Variants in ACSS2 observed in about 807,000 individuals in gnomAD.
The protein encoded by ACSS2 is acyl-CoA synthetase short chain family member 2.
A neutral mutation model predicts 90.6 loss-of-function variants in ACSS2; 58 were observed. That is an observed-to-expected ratio of 0.64 (90% confidence interval 0.52 to 0.80). The LOEUF (loss-of-function observed/expected upper bound fraction) is 0.80, where lower values mean the gene tolerates loss of function less well. Ranked by LOEUF, ACSS2 falls within the 30% of genes least tolerant of loss-of-function variation. The probability of loss-of-function intolerance (pLI) is 0.00; values close to 1 mark genes in which losing one functional copy is unlikely to be tolerated. For synonymous variants in ACSS2, 300 were observed against 330.9 expected, an observed-to-expected ratio of 0.91 and a Z score of 1.01; for missense variants, 759 against 912.0, an observed-to-expected ratio of 0.83 and a Z score of 2.16.
At chr20:34,884,078 T>C (rs901079298) in intron 2 of ACSS2, among the ~76,000 whole-genome samples, 5 of 152,168 alleles carry the variant, frequency 3.3e-5, no homozygotes, top group Non-Finnish European at 7.4e-5. Context: ...CCTGAGTAGG[T>C]GGGACTACAG....
At position 34,921,466 on chromosome 20, in the gene ACSS2, AGTG is replaced by A; in HGVS notation, c.1410+5_1410+7del. 6.2e-7 allele frequency: 1 copy of A among 1,614,202 alleles called. No individual in the cohort carries two copies. Among genetic ancestry groups the A allele is most frequent in the Non-Finnish European group, 8.5e-7 (1 of 1,180,036 alleles). On this transcript the variant is annotated splice_donor_5th_base_variant and intron_variant, in intron 11 of 17. Coordinates refer to ENST00000360596, the MANE Select transcript of ACSS2 (RefSeq NM_018677.4). Reference sequence around the variant, plus strand: ...CACCTTCTGGCAAACAGAGACAGTGAGTGAAGGGTACAGAAGGCTGGGGCCCAG... The same window carrying A: ...CACCTTCTGGCAAACAGAGACAGTGAAAGGGTACAGAAGGCTGGGGCCCAG...
At chr20:34,889,865 A>G (rs1568968427) in intron 2 of ACSS2, among the ~76,000 whole-genome samples, 2 of 152,182 alleles carry the variant, frequency 1.3e-5, no homozygotes, top group Admixed American at 6.5e-5. Flanking sequence ...AGGTCCAGGT[A>G]TGGGAGATCT....
chr20:34,878,379 T>G (rs2079979484), intron 1 of ACSS2, among the ~76,000 whole-genome samples: 1 of 152,228 alleles, frequency 6.6e-6, no homozygotes, highest in African/African-American at 2.4e-5. Context: ...AGGCAAATTT[T>G]TAAGCCTGTC....
intron 2 of ACSS2, among the ~76,000 whole-genome samples, chr20:34,899,143 C>T (rs769099041): frequency 7.1e-4 from 108 of 152,290 alleles, no homozygotes; most frequent in Non-Finnish European, 1.2e-3. Flanking sequence ...CCAGCTGGCC[C>T]GCAAGCTCCG....
At chr20:34,920,423 G>A (rs2081170995) in intron 8 of ACSS2, 116 bp from the exon 9 acceptor site, 12 of 973,376 alleles carry the variant, frequency 1.2e-5, no homozygotes, top group Non-Finnish European at 7.6e-6. Context: ...TGTGAAAAGG[G>A]TGCTGGCAGG....
At position 34,879,528 on chromosome 20, in the gene ACSS2, C is replaced by CA. The variant is rs58755872; in HGVS notation, c.178+2705_178+2706insA. 3.8e-4 allele frequency among the ~76,000 whole-genome samples: 29 copies of CA among 75,560 alleles called. No homozygotes were observed. In the African/African-American group the frequency reaches 3.9e-3, roughly 10 times the overall value. The allele number at this position is 75,560 out of a possible 152,430, so 49.6% of individuals were successfully genotyped here. A position where few individuals can be genotyped will look rare whatever the true frequency, so the allele number is the denominator to read the frequency against. On this transcript the variant is annotated intron_variant, in intron 1 of 17. Coordinates refer to ENST00000360596, the MANE Select transcript of ACSS2 (RefSeq NM_018677.4). ...ACACACACACACACACACACACACA[C>CA]CCCTACCCCCCCCAAAAAAACCCAG...
intron 2 of ACSS2, among the ~76,000 whole-genome samples, chr20:34,888,355 T>C (rs562642226): frequency 1.3e-5 from 2 of 152,214 alleles, no homozygotes; most frequent in South Asian, 4.1e-4. Context: ...GTCAGTTTTG[T>C]AAGATTGAAT....
rs112307879 is a variant in ACSS2, at chr20:34,902,488, G to A, written c.375-10608G>A. On this transcript the variant is annotated intron_variant, in intron 2 of 17. Coordinates refer to ENST00000360596, the MANE Select transcript of ACSS2 (RefSeq NM_018677.4). ...ATTTAAGCTGAGATTTGAAACACAA[G>A]AAGAGTTGGGGAAAGATAGTTAAAG... Among the ~76,000 whole-genome samples, 656 of 152,166 alleles carry A rather than the reference G, an allele frequency of 4.3e-3. 1 individual carries two copies. Among genetic ancestry groups the A allele is most frequent in the Non-Finnish European group, 8.1e-3 (548 of 68,004 alleles).
intron 2 of ACSS2, among the ~76,000 whole-genome samples, chr20:34,888,067 C>CAAAAA (rs34578238): frequency 4.9e-3 from 302 of 61,416 alleles, no homozygotes; most frequent in South Asian, 7.7e-3. Flanking sequence ...AAGACTCCAT[C>CAAAAA]AAAAAAAAAA....
At chr20:34,887,729 G>A (rs900241837) in intron 2 of ACSS2, among the ~76,000 whole-genome samples, 12 of 150,112 alleles carry the variant, frequency 8.0e-5, no homozygotes, top group East Asian at 2.0e-4. Flanking sequence ...CGACAAGAGC[G>A]AAACTCCATC....
chr20:34,918,940 G>A (rs1568995773), intron 7 of ACSS2, among the ~76,000 whole-genome samples: 1 of 152,206 alleles, frequency 6.6e-6, no homozygotes, highest in Admixed American at 6.5e-5. Context: ...CAGGGGTCGG[G>A]AGGAAAGACA....
At chr20:34,903,509 T>A (rs1355814732) in intron 2 of ACSS2, among the ~76,000 whole-genome samples, 8 of 152,232 alleles carry the variant, frequency 5.3e-5, no homozygotes, top group African/African-American at 1.7e-4. Context: ...TGAGACTTGC[T>A]ATCACATCTC....
At chr20:34,878,296 A>G (rs1469236306) in intron 1 of ACSS2, among the ~76,000 whole-genome samples, 5 of 152,200 alleles carry the variant, frequency 3.3e-5, no homozygotes, top group Admixed American at 1.3e-4. Flanking sequence ...TGGGACAAAC[A>G]TGGGCCACGA....
In ACSS2 at chr20:34,904,298, G is replaced by A. The variant is rs181693971; in HGVS notation, c.375-8798G>A. On this transcript the variant is annotated intron_variant, in intron 2 of 17. Coordinates refer to ENST00000360596, the MANE Select transcript of ACSS2 (RefSeq NM_018677.4). ...ACTGAGAAGCCAACATTTGAGCAAC[G>A]ACTCAAAGATAGGGAATAAGTCATG... 2.0e-3 allele frequency among the ~76,000 whole-genome samples: 309 copies of A among 151,674 alleles called. 2 individuals are homozygous for A. The highest frequency in any genetic ancestry group is 2.0e-3 in the Non-Finnish European group (134 of 67,914).
At chr20:34,903,139 C>T (rs562660801) in intron 2 of ACSS2, among the ~76,000 whole-genome samples, 25 of 151,940 alleles carry the variant, frequency 1.6e-4, no homozygotes, top group Admixed American at 1.5e-3. Flanking sequence ...GTCAGGAGTT[C>T]GAGACCAGAC....
intron 2 of ACSS2, among the ~76,000 whole-genome samples, chr20:34,894,632 T>G (rs1172951672): frequency 6.6e-6 from 1 of 152,140 alleles, no homozygotes; most frequent in Non-Finnish European, 1.5e-5. Flanking sequence ...GCTACTGCAC[T>G]CCAGCCTGGG....
intron 2 of ACSS2, 46 bp downstream of exon 2, chr20:34,883,035 T>C: frequency 1.4e-6 from 2 of 1,469,582 alleles, no homozygotes; most frequent in Non-Finnish European, 1.9e-6. Context: ...AAACACTCAT[T>C]TGATACTTAC....
At chr20:34,893,618 C>A (rs1235997508) in intron 2 of ACSS2, 1 of 151,290 alleles carries the variant, frequency 6.6e-6, no homozygotes, top group Non-Finnish European at 1.5e-5. Flanking sequence ...ACTTCCTGAC[C>A]TCAGGTGAGC....
chr20:34,885,460 A>G (rs955451375), intron 2 of ACSS2, among the ~76,000 whole-genome samples: 2 of 152,106 alleles, frequency 1.3e-5, no homozygotes, highest in Non-Finnish European at 1.5e-5. Flanking sequence ...CCATCTGTAA[A>G]ATGAGAGGAG....
Sources: allele counts gnomAD v4.1 joint callset (sites outside exome capture counted in the v4.1 genomes callset), GRCh38; gene constraint gnomAD v4.1.1; transcripts MANE v1.5; gene names NCBI Gene and HGNC (gene_info 2026-07-23, HGNC 2026-07-21).